The following CPA3 variants were observed in gnomAD, a reference collection of about 807,000 sequenced individuals.
CPA3 encodes mast cell carboxypeptidase A.
A neutral mutation model predicts 55.8 loss-of-function variants in CPA3; 52 were observed. The observed-to-expected ratio is 0.93, with a 90% CI of 0.75 to 1.17. CPA3 has a LOEUF of 1.17. Among genes scored for constraint, CPA3 ranks in the 50% most tolerant of loss-of-function variants. The probability of loss-of-function intolerance (pLI) is 0.00; values close to 1 mark genes in which losing one functional copy is unlikely to be tolerated. For missense variants in CPA3, 547 were observed against 509.1 expected (o/e 1.07, Z -0.72); for synonymous variants, 179 against 171.2 (o/e 1.05, Z -0.36).
intron 3 of CPA3, among the ~76,000 whole-genome samples, chr3:148,871,978 G>T (rs936363922): frequency 6.6e-6 from 1 of 152,290 alleles, no homozygotes; most frequent in East Asian, 1.9e-4. Flanking sequence ...CAGGCACCAG[G>T]CTGAATTAAA....
chr3:148,865,840 T>G (rs1263690251), intron 2 of CPA3, among the ~76,000 whole-genome samples: 1 of 152,150 alleles, frequency 6.6e-6, no homozygotes, highest in Non-Finnish European at 1.5e-5. Context: ...AGGGCATCTT[T>G]CTCTTGCCTA....
In CPA3 at chr3:148,895,873, G is replaced by A. The variant is rs188928918; in HGVS notation, c.1067-647G>A. Among the ~76,000 whole-genome samples, 141 of 152,018 alleles carry A rather than the reference G, an allele frequency of 9.3e-4. 1 individual carries two copies. The highest frequency in any genetic ancestry group is 8.7e-3 in the Admixed American group (133 of 15,254). ...ATAAATGCAATTATGATATGTATATGCACTTGTATATGTATATAGCCTCTA... is the reference window on the plus strand; with the variant it reads ...ATAAATGCAATTATGATATGTATATACACTTGTATATGTATATAGCCTCTA... On this transcript the variant is annotated intron_variant, in intron 10 of 10. Transcript: ENST00000296046.
intron 3 of CPA3, among the ~76,000 whole-genome samples, chr3:148,876,901 G>A (rs1407698585): frequency 1.3e-5 from 2 of 152,132 alleles, no homozygotes; most frequent in Non-Finnish European, 2.9e-5. Context: ...AAATGAGGCA[G>A]TTTGTATTCA....
Position 148,878,563 on chromosome 3 carries a change from T to C in CPA3, c.372+20T>C, listed in dbSNP as rs182570216. On this transcript the variant is annotated intron_variant, in intron 4 of 10. Transcript: ENST00000296046. The stretch of plus-strand genomic sequence containing the variant: ...GAAAAGGTACAGTAAAAAATGCCTG[T>C]ACTTTTTTTTAAGTTACCCTTAATA... The C allele has an allele frequency of 1.3e-6, 2 of 1,580,210 alleles. No homozygotes were observed. Among genetic ancestry groups the C allele is most frequent in the African/African-American group, 2.7e-5 (2 of 73,902 alleles).
intron 9 of CPA3, among the ~76,000 whole-genome samples, chr3:148,885,840 C>CAT (rs749426221): frequency 3.3e-5 from 5 of 152,026 alleles, no homozygotes; most frequent in East Asian, 1.9e-4. Context: ...TACATATTTA[C>CAT]ATATATATAT....
At chr3:148,871,978 G>C (rs936363922) in intron 3 of CPA3, among the ~76,000 whole-genome samples, 2 of 152,172 alleles carry the variant, frequency 1.3e-5, no homozygotes, top group Non-Finnish European at 2.9e-5. Flanking sequence ...CAGGCACCAG[G>C]CTGAATTAAA....
intron 10 of CPA3, among the ~76,000 whole-genome samples, chr3:148,891,680 A>G (rs1401968400): frequency 2.6e-5 from 4 of 152,182 alleles, no homozygotes; most frequent in Non-Finnish European, 4.4e-5. Context: ...ATCAAATTCC[A>G]TATATTCTCA....
At chr3:148,891,106 T>A (rs1714653420) in intron 10 of CPA3, among the ~76,000 whole-genome samples, 1 of 152,298 alleles carries the variant, frequency 6.6e-6, no homozygotes, top group African/African-American at 2.4e-5. Context: ...TTCAGCAAGT[T>A]GCTTAATCTC....
At position 148,879,827 on chromosome 3, in the gene CPA3, G is replaced by A. The variant is rs149768841; in HGVS notation, c.514G>A (p.Asp172Asn). Residue 172 changes from aspartate to asparagine, a missense_variant, in exon 6 of 11, where the codon GAT (aspartate) becomes AAT (asparagine). Coordinates refer to ENST00000296046, the MANE Select transcript of CPA3 (RefSeq NM_001870.4). ...KNERRKAIFT[D>N]CGIHAREWVS... Reference sequence around the variant, plus strand: ...TGAAAGAAGAAAGGCTATTTTTACGGATTGTGGCATTCACGCACGAGAATG... The same window carrying A: ...TGAAAGAAGAAAGGCTATTTTTACGAATTGTGGCATTCACGCACGAGAATG... 3.9e-3 allele frequency: 6,279 copies of A among 1,612,444 alleles called. 9 individuals are homozygous for A. Among genetic ancestry groups the A allele is most frequent in the Non-Finnish European group, 4.7e-3 (5,555 of 1,178,638 alleles).
chr3:148,869,830 C>T (rs972400290), intron 3 of CPA3: 1 of 152,270 alleles, frequency 6.6e-6, no homozygotes, highest in Admixed American at 6.5e-5. Flanking sequence ...CGCAGTGGCT[C>T]ACGCCTGTAA....
At chr3:148,877,794 A>G (rs1191845885) in intron 3 of CPA3, among the ~76,000 whole-genome samples, 2 of 152,210 alleles carry the variant, frequency 1.3e-5, no homozygotes, top group African/African-American at 4.8e-5. Context: ...GTACCTGCTT[A>G]CTATTATAAT....
At chr3:148,869,812 TG>T (rs1329149253) in intron 3 of CPA3, 1 of 152,164 alleles carries the variant, frequency 6.6e-6, no homozygotes, top group Non-Finnish European at 1.5e-5. Context: ...TAAAATGTGT[TG>T]GCCATGCGCA....
At chr3:148,881,853 T>C (rs948786750) in intron 7 of CPA3, among the ~76,000 whole-genome samples, 4 of 152,114 alleles carry the variant, frequency 2.6e-5, no homozygotes, top group South Asian at 2.1e-4. Flanking sequence ...TGTGGGAAAA[T>C]GAAATAAAGT....
rs373378775 is a variant in CPA3 at position 148,882,487 on chromosome 3, C to T, written c.688-18C>T. 54 of 1,604,800 alleles carry T rather than the reference C, an allele frequency of 3.4e-5. No homozygotes were observed. The highest frequency in any genetic ancestry group is 1.1e-4 in the South Asian group (10 of 90,772). On this transcript the variant is annotated intron_variant, in intron 7 of 10. Transcript: ENST00000296046. ...CAAACTGATCTTGTGTAAACACTTACGTCATTCAATCTGGCAGAACCGCAT... is the reference window on the plus strand; with the variant it reads ...CAAACTGATCTTGTGTAAACACTTATGTCATTCAATCTGGCAGAACCGCAT...
chr3:148,891,105 T>A (rs957323382), intron 10 of CPA3, among the ~76,000 whole-genome samples: 1 of 152,182 alleles, frequency 6.6e-6, no homozygotes, highest in Admixed American at 6.5e-5. Flanking sequence ...TTTCAGCAAG[T>A]TGCTTAATCT....
At chr3:148,885,642 C>G (rs1321100163) in intron 9 of CPA3, among the ~76,000 whole-genome samples, 1 of 151,950 alleles carries the variant, frequency 6.6e-6, no homozygotes. Context: ...CATCTCCTGA[C>G]CTCATGATCT....
At chr3:148,871,058 C>G (rs943067916) in intron 3 of CPA3, among the ~76,000 whole-genome samples, 3 of 152,140 alleles carry the variant, frequency 2.0e-5, no homozygotes, top group Non-Finnish European at 4.4e-5. Flanking sequence ...GCCACCATGC[C>G]TGGCTTTTTT....
Position 148,882,557 on chromosome 3 carries a change from G to A in CPA3, c.740G>A (p.Gly247Asp), listed in dbSNP as rs1203231636. 2 of 1,613,604 alleles carry A rather than the reference G, an allele frequency of 1.2e-6. No homozygotes were observed. Among genetic ancestry groups the A allele is most frequent in the Admixed American group, 3.3e-5 (2 of 59,974 alleles). Residue 247 changes from glycine (G) to aspartate (D), a missense_variant, in exon 8 of 11, where the codon GGC becomes GAC. Coordinates refer to ENST00000296046, the MANE Select transcript of CPA3 (RefSeq NM_001870.4). ...RSKNQNSKCI[G>D]TDLNRNFNAS... is the part of the protein sequence containing the mutation. ...AAGAACCAAAACTCCAAATGCATCG[G>A]CACTGACCTCAACAGGAATTTTAAT...
intron 5 of CPA3, 79 bp downstream of exon 5, chr3:148,878,827 A>G (rs1410507008): frequency 3.3e-5 from 27 of 821,952 alleles, no homozygotes; most frequent in Middle Eastern, 3.5e-4. Context: ...AACACAACTA[A>G]GCTAATTCTG....
Sources: gnomAD v4.1 joint callset for allele counts (sites outside exome capture counted in the v4.1 genomes callset) on GRCh38, gnomAD v4.1.1 for gene constraint, MANE v1.5 for transcripts, NCBI Gene and HGNC (gene_info 2026-07-23, HGNC 2026-07-21) for gene names.